MIPOL1: variants seen among roughly 807,000 people sequenced by gnomAD.
The protein encoded by MIPOL1 is mirror-image polydactyly 1.
In MIPOL1, 57 loss-of-function variants were observed where a neutral mutation model predicts 60.9. The ratio of observed to expected loss-of-function variants is 0.94; its 90% CI spans 0.76 to 1.17. The LOEUF (loss-of-function observed/expected upper bound fraction) is 1.17, where lower values mean the gene tolerates loss of function less well. MIPOL1 is among the 50% of genes most tolerant of loss of function. The pLI is 0.00. For missense variants in MIPOL1, 551 were observed against 511.6 expected (o/e 1.08, Z -0.74); for synonymous variants, 179 against 168.8 (o/e 1.06, Z -0.47).
chr14:37,280,427 A>G (rs2084010636), intron 6 of MIPOL1, among the ~76,000 whole-genome samples: 1 of 152,170 alleles, frequency 6.6e-6, no homozygotes, highest in Non-Finnish European at 1.5e-5. Context: ...GTAATTTACA[A>G]TACCACCAAC....
chr14:37,356,945 T>C (rs1279147324), intron 9 of MIPOL1, among the ~76,000 whole-genome samples: 1 of 152,154 alleles, frequency 6.6e-6, no homozygotes, highest in Non-Finnish European at 1.5e-5. Context: ...AGGATCTCAT[T>C]TTTTTATGAT....
intron 12 of MIPOL1, chr14:37,503,183 A>G (rs924157718): frequency 3.9e-5 from 6 of 152,244 alleles, no homozygotes; most frequent in African/African-American, 1.4e-4. Flanking sequence ...AAGTTGGAGA[A>G]CACTCTTCAG....
At chr14:37,224,724 A>G (rs1359780526) in intron 1 of MIPOL1, among the ~76,000 whole-genome samples, 1 of 152,040 alleles carries the variant, frequency 6.6e-6, no homozygotes, top group Non-Finnish European at 1.5e-5. Flanking sequence ...GCCCCTCCCA[A>G]ATCTCATGTT....
intron 11 of MIPOL1, among the ~76,000 whole-genome samples, chr14:37,473,473 C>G (rs1464317817): frequency 6.6e-6 from 1 of 152,046 alleles, no homozygotes; most frequent in Non-Finnish European, 1.5e-5. Context: ...TCCTTTGTAT[C>G]TTGTCTAGTT....
chr14:37,513,132 A>C (rs1161032376), intron 12 of MIPOL1, among the ~76,000 whole-genome samples: 1 of 152,186 alleles, frequency 6.6e-6, no homozygotes, highest in South Asian at 2.1e-4. Flanking sequence ...AACATGCTTA[A>C]TTTTTATTCT....
At chr14:37,521,648 G>A (rs1466246121) in intron 12 of MIPOL1, among the ~76,000 whole-genome samples, 1 of 152,088 alleles carries the variant, frequency 6.6e-6, no homozygotes, top group Non-Finnish European at 1.5e-5. Flanking sequence ...TCAGCTGAAT[G>A]ATAAACAACT....
intron 3 of MIPOL1, among the ~76,000 whole-genome samples, chr14:37,259,472 C>CT (rs1169528356): frequency 6.6e-6 from 1 of 151,880 alleles, no homozygotes; most frequent in Non-Finnish European, 1.5e-5. Flanking sequence ...GAAGCTGAAG[C>CT]TAGAGGATCG....
At chr14:37,204,012 G>A (rs943254161) in intron 1 of MIPOL1, among the ~76,000 whole-genome samples, 6 of 151,976 alleles carry the variant, frequency 3.9e-5, no homozygotes, top group African/African-American at 1.4e-4. Context: ...TTGATCTCCT[G>A]ACCACGTGGT....
intron 10 of MIPOL1, among the ~76,000 whole-genome samples, chr14:37,415,156 C>A (rs2093742419): frequency 6.6e-6 from 1 of 152,158 alleles, no homozygotes; most frequent in East Asian, 1.9e-4. Context: ...GAGGGAAACA[C>A]CATAGATGAC....
intron 9 of MIPOL1, among the ~76,000 whole-genome samples, chr14:37,325,442 T>G (rs549093128): frequency 4.3e-4 from 65 of 152,222 alleles, no homozygotes; most frequent in Non-Finnish European, 6.3e-4. Context: ...TTTTCTTAAC[T>G]TAAATAACTA....
At chr14:37,386,617 C>T (rs1345120897) in intron 10 of MIPOL1, among the ~76,000 whole-genome samples, 1 of 151,868 alleles carries the variant, frequency 6.6e-6, no homozygotes, top group African/African-American at 2.4e-5. Flanking sequence ...TTCCCAAGCT[C>T]ACTGATGAGC....
At chr14:37,366,579 C>T (rs1267929395) in intron 9 of MIPOL1, among the ~76,000 whole-genome samples, 1 of 151,638 alleles carries the variant, frequency 6.6e-6, no homozygotes, top group African/African-American at 2.4e-5. Flanking sequence ...TATGATCTAC[C>T]CATGAGAATG....
intron 10 of MIPOL1, among the ~76,000 whole-genome samples, chr14:37,376,099 G>T (rs1197312909): frequency 1.3e-5 from 2 of 152,014 alleles, no homozygotes; most frequent in Non-Finnish European, 2.9e-5. Context: ...TATATTCACT[G>T]GTCCCACAGA....
At chr14:37,502,789 G>C (rs2095233180) in intron 12 of MIPOL1, 1 of 152,220 alleles carries the variant, frequency 6.6e-6, no homozygotes. Context: ...GTTGGCAGAA[G>C]TAGGCTTCAG....
At chr14:37,447,025 GTAAC>G (rs985459721) in intron 11 of MIPOL1, among the ~76,000 whole-genome samples, 53 of 151,894 alleles carry the variant, frequency 3.5e-4, no homozygotes, top group African/African-American at 1.2e-3. Flanking sequence ...GTATACATAT[GTAAC>G]TAACCTGCAC....
intron 11 of MIPOL1, among the ~76,000 whole-genome samples, chr14:37,440,746 T>A (rs1208227553): frequency 6.6e-6 from 1 of 152,100 alleles, no homozygotes; most frequent in Non-Finnish European, 1.5e-5. Context: ...ACGAGTGCAA[T>A]GTAATGATTT....
chr14:37,517,505 G>A (rs554911870), intron 12 of MIPOL1, among the ~76,000 whole-genome samples: 1 of 152,284 alleles, frequency 6.6e-6, no homozygotes, highest in South Asian at 2.1e-4. Flanking sequence ...TCTAACAATA[G>A]TACATATGCA....
chr14:37,296,204 A>G (rs1209285468), intron 7 of MIPOL1, among the ~76,000 whole-genome samples: 1 of 152,340 alleles, frequency 6.6e-6, no homozygotes, highest in Non-Finnish European at 1.5e-5. Context: ...CTGAATGACT[A>G]CTAGGTACAT....
intron 12 of MIPOL1, among the ~76,000 whole-genome samples, chr14:37,513,724 T>C (rs935437404): frequency 1.2e-4 from 18 of 152,146 alleles, no homozygotes; most frequent in Non-Finnish European, 1.8e-4. Flanking sequence ...AAAGTAGGAA[T>C]CAAAATTTTA....
Sources: allele counts gnomAD v4.1 joint callset (sites outside exome capture counted in the v4.1 genomes callset), GRCh38; gene constraint gnomAD v4.1.1; transcripts MANE v1.5; gene names NCBI Gene and HGNC (gene_info 2026-07-23, HGNC 2026-07-21).